The following RNF157 variants were observed in gnomAD, a reference collection of about 807,000 sequenced individuals.
RNF157 encodes the protein ring finger protein 157, also known as E3 ubiquitin ligase RNF157.
In RNF157, 55 loss-of-function variants were observed where a neutral mutation model predicts 88.3. The observed-to-expected ratio is 0.62, with a 90% CI of 0.50 to 0.78. The LOEUF (loss-of-function observed/expected upper bound fraction) is 0.78. RNF157 is among the 30% of genes least tolerant of loss of function. The pLI, the probability that RNF157 is intolerant of heterozygous loss-of-function variation, is 0.00. For synonymous variants in RNF157, 334 were observed against 341.2 expected (o/e 0.98, Z 0.23); for missense variants, 788 against 860.8 (o/e 0.92, Z 1.06).
intron 1 of RNF157, among the ~76,000 whole-genome samples, chr17:76,229,443 A>C (rs1172608238): frequency 6.6e-6 from 1 of 152,246 alleles, no homozygotes; most frequent in East Asian, 1.9e-4. Flanking sequence ...AGATCAAGTA[A>C]GATCACATGT....
At chr17:76,231,452 A>G (rs115815392) in intron 1 of RNF157, among the ~76,000 whole-genome samples, 2,097 of 152,214 alleles carry the variant, frequency 0.014, 49 homozygotes, top group African/African-American at 0.048. Context: ...GCCCACCACC[A>G]TGCCTGGCTA....
At chr17:76,227,249 T>C (rs1172929065) in intron 1 of RNF157, among the ~76,000 whole-genome samples, 1 of 151,696 alleles carries the variant, frequency 6.6e-6, no homozygotes, top group East Asian at 2.0e-4. Context: ...GCCTCCCAAG[T>C]ATCTGGGACT....
At chr17:76,186,490 AGAGT>A (rs2069290091) in intron 2 of RNF157, among the ~76,000 whole-genome samples, 1 of 150,672 alleles carries the variant, frequency 6.6e-6, no homozygotes, top group Admixed American at 6.6e-5. Flanking sequence ...CTGAGCAACA[AGAGT>A]GAGACTCTGT....
chr17:76,200,079 T>C (rs1050503398), intron 2 of RNF157, among the ~76,000 whole-genome samples: 3 of 149,436 alleles, frequency 2.0e-5, no homozygotes, highest in African/African-American at 7.4e-5. Flanking sequence ...CTATTAAAAA[T>C]ACAAAAAAAA....
chr17:76,199,761 A>AC (rs946217281), intron 2 of RNF157, among the ~76,000 whole-genome samples: 3 of 151,994 alleles, frequency 2.0e-5, no homozygotes, highest in African/African-American at 7.2e-5. Context: ...TGCTACTGGG[A>AC]CCCCGTCTCT....
Position 76,161,227 on chromosome 17 carries a change from G to A in RNF157, c.1065+308C>T, listed in dbSNP as rs1040993804. Among the ~76,000 whole-genome samples, 12 of 152,032 alleles carry A rather than the reference G, an allele frequency of 7.9e-5. No homozygotes were observed. Among genetic ancestry groups the A allele is most frequent in the Non-Finnish European group, 1.5e-4 (10 of 68,012 alleles). On this transcript the variant is annotated intron_variant, in intron 11 of 18. Coordinates refer to ENST00000269391, the MANE Select transcript of RNF157 (RefSeq NM_052916.3). The surrounding 1 kb of genome is among the most constrained non-coding windows in gnomAD (Gnocchi z 4.6). ...AATTGTATTTAAATCCAAAATAATC[G>A]TCCCATTGTTTCTGCCTGGGGGAGT...
intron 5 of RNF157, 110 bp from the exon 6 acceptor site, chr17:76,166,637 C>A: frequency 1.1e-6 from 1 of 893,928 alleles, no homozygotes; most frequent in South Asian, 1.5e-5. Flanking sequence ...CTCATCTCTG[C>A]TCCTCATTCT....
chr17:76,230,504 C>G (rs2070168344), intron 1 of RNF157, among the ~76,000 whole-genome samples: 1 of 152,170 alleles, frequency 6.6e-6, no homozygotes, highest in African/African-American at 2.4e-5. Flanking sequence ...TACCAAATCT[C>G]TCTGCTTCCA....
chr17:76,197,816 A>G (rs548104957), intron 2 of RNF157, among the ~76,000 whole-genome samples: 5 of 152,374 alleles, frequency 3.3e-5, no homozygotes, highest in Admixed American at 2.0e-4. Flanking sequence ...ATGAACTCTC[A>G]GCCTATACTA....
chr17:76,150,325 C>T (rs1298431031), intron 18 of RNF157, among the ~76,000 whole-genome samples: 1 of 152,072 alleles, frequency 6.6e-6, no homozygotes, highest in Admixed American at 6.5e-5. Context: ...GCTGGCTCCA[C>T]AAGTCACCCT....
At chr17:76,152,568 T>C (rs2068696647) in intron 17 of RNF157, 103 bp from the exon 18 acceptor site, 2 of 724,752 alleles carry the variant, frequency 2.8e-6, no homozygotes, top group Admixed American at 2.2e-5. Context: ...AAAAATCAAA[T>C]CATATGTTAA....
intron 2 of RNF157, among the ~76,000 whole-genome samples, chr17:76,182,875 CATA>C (rs921215401): frequency 1.1e-4 from 16 of 142,062 alleles, no homozygotes; most frequent in Non-Finnish European, 1.8e-4. Context: ...TCCTATATAT[CATA>C]ATAATATGAA....
chr17:76,199,673 C>T (rs897111370), intron 2 of RNF157, among the ~76,000 whole-genome samples: 3 of 151,334 alleles, frequency 2.0e-5, no homozygotes, highest in Non-Finnish European at 4.4e-5. Context: ...CCCTTCTTAT[C>T]ACTGGTGATC....
rs992548541 is a variant in RNF157 at position 76,222,895 on chromosome 17, CT to C, written c.89-10414del. Among the ~76,000 whole-genome samples, 317 of 143,044 alleles carry C rather than the reference CT, an allele frequency of 2.2e-3. 1 individual carries two copies. The highest frequency in any genetic ancestry group is 7.5e-3 in the Middle Eastern group (2 of 268). 93.8% of individuals were successfully genotyped at this position (143,044 alleles called of 152,430 possible). A position where few individuals can be genotyped will look rare whatever the true frequency, so the allele number is the denominator to read the frequency against. On this transcript the variant is annotated intron_variant, in intron 1 of 18. Coordinates refer to ENST00000269391, the MANE Select transcript of RNF157 (RefSeq NM_052916.3). ...GAAGACGAGCCAAATGTTTAAGGTT[CT>C]TTTTTTTTTTTTGAGACAGAGTCTC... is the stretch of plus-strand genomic sequence containing the variant.
At chr17:76,183,025 G>A (rs1354822133) in intron 2 of RNF157, among the ~76,000 whole-genome samples, 1 of 151,910 alleles carries the variant, frequency 6.6e-6, no homozygotes, top group Non-Finnish European at 1.5e-5. Flanking sequence ...CGCCTCCCGG[G>A]TTCAAGCGAT....
intron 1 of RNF157, among the ~76,000 whole-genome samples, chr17:76,237,902 G>A (rs1409977528): frequency 6.6e-6 from 1 of 152,018 alleles, no homozygotes; most frequent in Non-Finnish European, 1.5e-5. Context: ...GGCCAATATG[G>A]TGAAACCCCA....
chr17:76,239,255 A>C (rs770551775), intron 1 of RNF157, among the ~76,000 whole-genome samples: 1 of 152,206 alleles, frequency 6.6e-6, no homozygotes, highest in Admixed American at 6.5e-5. Context: ...TGCAATTCAT[A>C]CTGGCCGGTG....
intron 2 of RNF157, among the ~76,000 whole-genome samples, chr17:76,175,361 T>G (rs2144886412): frequency 6.6e-6 from 1 of 152,306 alleles, no homozygotes; most frequent in Admixed American, 6.5e-5. Flanking sequence ...TTCCTAGAAG[T>G]GGAATTACAG....
At chr17:76,236,638 T>C (rs76242386) in intron 1 of RNF157, among the ~76,000 whole-genome samples, 14 of 152,188 alleles carry the variant, frequency 9.2e-5, no homozygotes, top group Admixed American at 2.0e-4. Flanking sequence ...CAATTATTAA[T>C]AAATCTAAAA....
Sources: allele counts gnomAD v4.1 joint callset (sites outside exome capture counted in the v4.1 genomes callset), GRCh38; gene constraint gnomAD v4.1.1; non-coding constraint Gnocchi (gnomAD v3.1); transcripts MANE v1.5; gene names NCBI Gene and HGNC (gene_info 2026-07-23, HGNC 2026-07-21).